Variants in RANBP2 observed in about 807,000 individuals in gnomAD.
RANBP2 encodes the protein E3 SUMO-protein ligase RanBP2.
In RANBP2, 57 loss-of-function variants were observed where a neutral mutation model predicts 303.6. The ratio of observed to expected loss-of-function variants is 0.19; its 90% CI spans 0.15 to 0.23. The LOEUF (loss-of-function observed/expected upper bound fraction) is 0.23, where lower values mean the gene tolerates loss of function less well. Ranked by LOEUF, RANBP2 falls within the 10% of genes least tolerant of loss-of-function variation. The pLI is 1.00. For synonymous variants in RANBP2, 1,167 were observed against 1,301.5 expected, an observed-to-expected ratio of 0.90 and a Z score of 2.23; for missense variants, 3,138 against 3,780.8, an observed-to-expected ratio of 0.83 and a Z score of 4.46.
the RANBP2 span, chr2:109,545,626 T>A: frequency 6.6e-7 from 1 of 1,525,656 alleles, no homozygotes; most frequent in Admixed American, 2.0e-5. Context: ...TTCAATAAAA[T>A]ACTATCTTAT....
the RANBP2 span, among the ~76,000 whole-genome samples, chr2:109,488,511 C>T: frequency 6.6e-6 from 1 of 152,316 alleles, no homozygotes; most frequent in Non-Finnish European, 1.5e-5. Flanking sequence ...GGCCTTATGC[C>T]CTGCCTACAT....
At chr2:109,088,336 G>A in the RANBP2 span, among the ~76,000 whole-genome samples, 3 of 144,780 alleles carry the variant, frequency 2.1e-5, no homozygotes, top group African/African-American at 2.5e-5. Context: ...GGCGGAGACC[G>A]CAGTGAGCCG....
intron 6 of RANBP2, among the ~76,000 whole-genome samples, chr2:108,737,968 C>T (rs546063138): frequency 9.9e-4 from 150 of 151,736 alleles, no homozygotes; most frequent in African/African-American, 3.4e-3. Context: ...CCCTCCTCGG[C>T]CTCCCAAAGT....
the RANBP2 span, among the ~76,000 whole-genome samples, chr2:109,113,275 G>A: frequency 6.6e-6 from 1 of 152,160 alleles, no homozygotes; most frequent in African/African-American, 2.4e-5. Context: ...AGCATGGAAT[G>A]TTCTTCCATT....
At chr2:109,073,322 G>C in the RANBP2 span, among the ~76,000 whole-genome samples, 1 of 152,144 alleles carries the variant, frequency 6.6e-6, no homozygotes, top group South Asian at 2.1e-4. Flanking sequence ...GAAAGGATTA[G>C]TGAACTCAAG....
the RANBP2 span, among the ~76,000 whole-genome samples, chr2:108,921,471 G>T: frequency 6.6e-6 from 1 of 152,210 alleles, no homozygotes. Flanking sequence ...GGAGGAAGAG[G>T]TGCTCTTGAC....
chr2:108,889,066 T>G, the RANBP2 span, among the ~76,000 whole-genome samples: 38 of 152,150 alleles, frequency 2.5e-4, no homozygotes, highest in Non-Finnish European at 1.2e-4. Context: ...CAGTGGTTAT[T>G]CAGAAGCATG....
the RANBP2 span, among the ~76,000 whole-genome samples, chr2:109,513,660 C>G: frequency 1.3e-5 from 2 of 152,224 alleles, no homozygotes; most frequent in Non-Finnish European, 2.9e-5. Flanking sequence ...ACCCTTCTCC[C>G]AGTTCTAGGA....
chr2:108,965,103 A>ATGTGTG, the RANBP2 span, among the ~76,000 whole-genome samples: 25 of 152,042 alleles, frequency 1.6e-4, no homozygotes, highest in African/African-American at 6.0e-4. Context: ...GCACGCAAGC[A>ATGTGTG]TGTGTGTGTC....
chr2:109,463,761 T>A, the RANBP2 span, among the ~76,000 whole-genome samples: 1 of 152,198 alleles, frequency 6.6e-6, no homozygotes, highest in African/African-American at 2.4e-5. Flanking sequence ...TTTAGGAACA[T>A]GCTAAGACCA....
the RANBP2 span, among the ~76,000 whole-genome samples, chr2:109,177,752 A>G: frequency 6.6e-6 from 1 of 152,220 alleles, no homozygotes; most frequent in African/African-American, 2.4e-5. Flanking sequence ...ACCCCCTTCA[A>G]CTTGATCCTC....
the RANBP2 span, among the ~76,000 whole-genome samples, chr2:109,733,793 A>T: frequency 6.6e-6 from 1 of 151,578 alleles, no homozygotes; most frequent in South Asian, 2.1e-4. Context: ...GATTGCTTGA[A>T]CCCGAGAAAC....
the RANBP2 span, among the ~76,000 whole-genome samples, chr2:109,295,300 A>G: frequency 0.011 from 1,747 of 152,268 alleles, 47 homozygotes; most frequent in African/African-American, 0.039. Flanking sequence ...GTCATCCCCA[A>G]TTTGTAGATG....
the RANBP2 span, among the ~76,000 whole-genome samples, chr2:109,319,282 G>T: frequency 1.3e-5 from 2 of 152,198 alleles, no homozygotes; most frequent in African/African-American, 4.8e-5. Flanking sequence ...TTGGTTCCTG[G>T]CATCGTGATA....
At chr2:108,839,115 T>C in the RANBP2 span, 3 of 1,435,524 alleles carry the variant, frequency 2.1e-6, no homozygotes, top group Non-Finnish European at 2.8e-6. Flanking sequence ...TTTGGAAAAT[T>C]GTGGTAATTG....
At chr2:109,145,729 C>T in the RANBP2 span, among the ~76,000 whole-genome samples, 5 of 152,204 alleles carry the variant, frequency 3.3e-5, no homozygotes, top group African/African-American at 1.2e-4. Context: ...CCACACCATC[C>T]GTTGAGCCTC....
At chr2:109,716,097 G>A in the RANBP2 span, among the ~76,000 whole-genome samples, 2 of 152,106 alleles carry the variant, frequency 1.3e-5, no homozygotes, top group East Asian at 1.9e-4. Context: ...GGAAAAGTGG[G>A]CTGGAGAAAG....
chr2:109,139,220 T>A, the RANBP2 span, among the ~76,000 whole-genome samples: 1 of 152,188 alleles, frequency 6.6e-6, no homozygotes, highest in African/African-American at 2.4e-5. Context: ...TAAAACCAGA[T>A]GTGTTTGCAT....
chr2:109,184,541 GCT>G, the RANBP2 span, among the ~76,000 whole-genome samples: 2 of 152,182 alleles, frequency 1.3e-5, no homozygotes, highest in Admixed American at 1.3e-4. Flanking sequence ...GGGAGGCTGA[GCT>G]GTTGCTTAGC....
Sources: allele counts gnomAD v4.1 joint callset (sites outside exome capture counted in the v4.1 genomes callset), GRCh38; gene constraint gnomAD v4.1.1; transcripts MANE v1.5; gene names NCBI Gene and HGNC (gene_info 2026-07-23, HGNC 2026-07-21).